Variants in TMEM108 observed in about 807,000 individuals in gnomAD.
The protein encoded by TMEM108 is cancer/testis antigen 124.
In TMEM108, 12 loss-of-function variants were observed where a neutral mutation model predicts 35.1. The observed-to-expected ratio is 0.34, with a 90% CI of 0.22 to 0.55. The LOEUF is 0.55. TMEM108 is among the 20% of genes least tolerant of loss of function. The pLI is 0.89. For missense variants in TMEM108, 680 were observed against 753.3 expected (o/e 0.90, Z 1.14); for synonymous variants, 287 against 308.6 (o/e 0.93, Z 0.73).
intron 3 of TMEM108, among the ~76,000 whole-genome samples, chr3:133,343,062 T>A (rs545182914): frequency 6.6e-6 from 1 of 151,906 alleles, no homozygotes; most frequent in East Asian, 1.9e-4. Context: ...AGAAAAAATG[T>A]GCAAAAGATA....
intron 2 of TMEM108, among the ~76,000 whole-genome samples, chr3:133,099,301 C>T (rs1944056022): frequency 6.6e-6 from 1 of 152,308 alleles, no homozygotes; most frequent in African/African-American, 2.4e-5. Context: ...AGGCTGCACG[C>T]AGCATGGGGA....
chr3:133,300,016 C>T (rs1202908667), intron 3 of TMEM108, among the ~76,000 whole-genome samples: 1 of 152,050 alleles, frequency 6.6e-6, no homozygotes, highest in Admixed American at 6.6e-5. Flanking sequence ...TTGCAGTGAG[C>T]CAAAGAGGCC....
intron 2 of TMEM108, among the ~76,000 whole-genome samples, chr3:133,161,352 C>G (rs1205003237): frequency 1.3e-5 from 2 of 152,188 alleles, no homozygotes; most frequent in African/African-American, 4.8e-5. Context: ...AGTAGCCACT[C>G]TGTCACTCTT....
At chr3:133,038,784 G>A (rs2107666320) in intron 1 of TMEM108, among the ~76,000 whole-genome samples, 1 of 152,328 alleles carries the variant, frequency 6.6e-6, no homozygotes, top group African/African-American at 2.4e-5. Flanking sequence ...CTGGGCTGGG[G>A]CCGAGGAGGA....
intron 3 of TMEM108, among the ~76,000 whole-genome samples, chr3:133,244,400 T>C (rs1946355993): frequency 6.6e-6 from 1 of 152,298 alleles, no homozygotes; most frequent in Non-Finnish European, 1.5e-5. Context: ...CTCTCCTCTA[T>C]GAACCCGTCC....
chr3:133,138,743 G>A (rs539527702), intron 2 of TMEM108, among the ~76,000 whole-genome samples: 2 of 151,850 alleles, frequency 1.3e-5, no homozygotes, highest in South Asian at 4.2e-4. Context: ...TAGTTGCAGG[G>A]GCCATTTGTA....
intron 2 of TMEM108, among the ~76,000 whole-genome samples, chr3:133,082,056 G>C (rs1281924058): frequency 3.3e-5 from 5 of 152,174 alleles, no homozygotes; most frequent in Non-Finnish European, 7.3e-5. Flanking sequence ...ACTCCTTGTG[G>C]CAGATTTTGT....
chr3:133,379,834 C>A lies in TMEM108; in HGVS notation c.123C>A (p.Leu41=). 2 of 1,614,052 alleles carry A rather than the reference C, an allele frequency of 1.2e-6. No homozygotes were observed. The highest frequency in any genetic ancestry group is 1.7e-6 in the Non-Finnish European group (2 of 1,179,958). Residue 41 remains leucine (L), a synonymous_variant, in exon 4 of 6, where the codon CTC becomes CTA. Coordinates refer to ENST00000321871, the MANE Select transcript of TMEM108 (RefSeq NM_023943.4). The part of the protein sequence containing the change: ...EPSPRESLQV[L]PSGTPPGTMV... ...CTCCCAGGGAATCTCTTCAGGTCCT[C>A]CCTTCAGGCACTCCCCCGGGAACCA...
chr3:133,300,546 C>T (rs915663969), intron 3 of TMEM108, among the ~76,000 whole-genome samples: 8 of 152,148 alleles, frequency 5.3e-5, no homozygotes, highest in Middle Eastern at 3.2e-3. Context: ...AGAGGAGGTA[C>T]TGCACACCAT....
intron 2 of TMEM108, among the ~76,000 whole-genome samples, chr3:133,207,253 T>A (rs952086756): frequency 2.0e-5 from 3 of 152,146 alleles, no homozygotes; most frequent in African/African-American, 7.2e-5. Context: ...CCTGACTCCT[T>A]GCACTTCCCA....
At chr3:133,094,920 A>G (rs1040405507) in intron 2 of TMEM108, among the ~76,000 whole-genome samples, 2 of 152,134 alleles carry the variant, frequency 1.3e-5, no homozygotes, top group African/African-American at 4.8e-5. Context: ...TTGTATCCCA[A>G]TGCCTGGTAT....
chr3:133,303,461 A>G (rs1247583302), intron 3 of TMEM108: 1 of 152,180 alleles, frequency 6.6e-6, no homozygotes, highest in African/African-American at 2.4e-5. Context: ...TAAGCATTTC[A>G]CTATGTGTAG....
intron 2 of TMEM108, among the ~76,000 whole-genome samples, chr3:133,200,889 T>C (rs1559866171): frequency 6.6e-6 from 1 of 152,234 alleles, no homozygotes; most frequent in Admixed American, 6.5e-5. Flanking sequence ...TTGTTTTAAA[T>C]GCTTAGTAAC....
chr3:133,369,791 T>A (rs1444936436), intron 3 of TMEM108, among the ~76,000 whole-genome samples: 2 of 152,108 alleles, frequency 1.3e-5, no homozygotes, highest in African/African-American at 4.8e-5. Context: ...ACCATACCCT[T>A]ACTTTGCCAC....
At chr3:133,073,508 CTCTATATA>C (rs1468299361) in intron 2 of TMEM108, among the ~76,000 whole-genome samples, 1 of 68,988 alleles carries the variant, frequency 1.4e-5, no homozygotes, top group African/African-American at 7.2e-5. Flanking sequence ...CTCTCTCTCT[CTCTATATA>C]TATATATATA....
intron 2 of TMEM108, among the ~76,000 whole-genome samples, chr3:133,122,551 G>A (rs991633182): frequency 6.6e-6 from 1 of 152,104 alleles, no homozygotes; most frequent in Non-Finnish European, 1.5e-5. Context: ...AATATGAGTA[G>A]AATATTCCTT....
At chr3:133,382,785 A>C (rs1245451819) in intron 4 of TMEM108, among the ~76,000 whole-genome samples, 1 of 152,076 alleles carries the variant, frequency 6.6e-6, no homozygotes, top group African/African-American at 2.4e-5. Flanking sequence ...CATGATTTCC[A>C]CTTGGCCTTG....
chr3:133,167,840 A>T (rs1207728493), intron 2 of TMEM108, among the ~76,000 whole-genome samples: 3 of 152,068 alleles, frequency 2.0e-5, no homozygotes, highest in Non-Finnish European at 4.4e-5. Context: ...AGGGGCTCCC[A>T]CAGTGCAGCG....
intron 4 of TMEM108, 80 bp from the exon 5 acceptor site, chr3:133,390,100 C>G: frequency 6.4e-7 from 1 of 1,562,146 alleles, no homozygotes; most frequent in Non-Finnish European, 8.7e-7. Flanking sequence ...GCTGGGAACT[C>G]TCCTCATCAG....
Sources: gnomAD v4.1 joint callset for allele counts (sites outside exome capture counted in the v4.1 genomes callset) on GRCh38, gnomAD v4.1.1 for gene constraint, MANE v1.5 for transcripts, NCBI Gene and HGNC (gene_info 2026-07-23, HGNC 2026-07-21) for gene names.